The following CTIF variants were observed in gnomAD, a reference collection of about 807,000 sequenced individuals.
The protein encoded by CTIF is CBP80/20-dependent translation initiation factor.
A neutral mutation model predicts 66.0 loss-of-function variants in CTIF; 21 were observed. That is an observed-to-expected ratio of 0.32 (90% CI 0.23 to 0.46). CTIF has a LOEUF of 0.46. CTIF is among the 20% of genes least tolerant of loss of function. CTIF has a pLI of 1.00. For missense variants in CTIF, 739 were observed against 812.7 expected (o/e 0.91, Z 1.10); for synonymous variants, 345 against 326.4 (o/e 1.06, Z -0.62).
chr18:48,826,688 CTGT>C (rs2068588337), intron 10 of CTIF: 1 of 152,244 alleles, frequency 6.6e-6, no homozygotes, highest in South Asian at 2.1e-4. Context: ...TAGGTCTCAT[CTGT>C]CATGGAACCC....
intron 1 of CTIF, among the ~76,000 whole-genome samples, chr18:48,576,267 A>G (rs2089529044): frequency 6.6e-6 from 1 of 152,246 alleles, no homozygotes; most frequent in Non-Finnish European, 1.5e-5. Flanking sequence ...CTGCTGACCC[A>G]AGGGAGGAAC....
At chr18:48,629,887 T>C (rs1362729399) in intron 2 of CTIF, among the ~76,000 whole-genome samples, 2 of 152,218 alleles carry the variant, frequency 1.3e-5, no homozygotes, top group African/African-American at 2.4e-5. Context: ...TGCAATGGAC[T>C]TAGAACAGTG....
In CTIF at chr18:48,560,682, C is replaced by T. The variant is rs902292776; in HGVS notation, c.-29+21370C>T. On this transcript the variant is annotated intron_variant, in intron 1 of 11. Transcript: ENST00000256413. ...GCCTCTTGGCCTCAAGCCATCCTCC[C>T]TCCTCAGCCTCCTGAGGAGCTGGGT... Among the ~76,000 whole-genome samples the T allele has an allele frequency of 7.9e-5, 12 of 152,252 alleles. No individual in the cohort carries two copies. In the South Asian group the frequency reaches 2.1e-3, roughly 26 times the overall value.
At chr18:48,654,635 A>G (rs2091213111) in intron 3 of CTIF, among the ~76,000 whole-genome samples, 1 of 152,218 alleles carries the variant, frequency 6.6e-6, no homozygotes, top group Non-Finnish European at 1.5e-5. Flanking sequence ...TATATACCCA[A>G]AGGATTATAA....
chr18:48,768,634 G>A (rs916456808), intron 9 of CTIF, among the ~76,000 whole-genome samples: 1 of 152,216 alleles, frequency 6.6e-6, no homozygotes, highest in Non-Finnish European at 1.5e-5. Flanking sequence ...TCATGGTTGG[G>A]AGCAATGGCT....
intron 5 of CTIF, among the ~76,000 whole-genome samples, chr18:48,669,841 A>ATATG (rs2091499368): frequency 8.6e-6 from 1 of 116,502 alleles, no homozygotes; most frequent in Non-Finnish European, 1.8e-5. Context: ...ATATATATAT[A>ATATG]AGCTAGACTA....
At chr18:48,683,812 G>T (rs1358303492) in intron 6 of CTIF, among the ~76,000 whole-genome samples, 1 of 152,176 alleles carries the variant, frequency 6.6e-6, no homozygotes, top group Non-Finnish European at 1.5e-5. Flanking sequence ...ATCCAGGGAG[G>T]GTAAATGGTG....
chr18:48,568,816 G>T (rs56965208), intron 1 of CTIF, among the ~76,000 whole-genome samples: 1 of 152,094 alleles, frequency 6.6e-6, no homozygotes, highest in African/African-American at 2.4e-5. Context: ...ATCAGATCTC[G>T]TGAGACTTAT....
chr18:48,570,955 C>G (rs2089402753), intron 1 of CTIF, among the ~76,000 whole-genome samples: 1 of 152,166 alleles, frequency 6.6e-6, no homozygotes, highest in Non-Finnish European at 1.5e-5. Flanking sequence ...GATAGAGGTG[C>G]TGGCTGCACA....
At position 48,758,285 on chromosome 18, in the gene CTIF, G is replaced by A. The variant is rs777910371; in HGVS notation, c.951G>A (p.Gly317=). The change falls in exon 8 of 12, where the codon GGG becomes GGA. Residue 317 remains glycine (G), a synonymous_variant. Transcript: ENST00000256413. ...ASERLPPQQS[G]GPEVETKRKD... is the part of the protein sequence containing the mutation. Reference sequence around the variant, plus strand: ...AGCGGCTGCCCCCACAGCAGTCAGGGGGGCCAGAGGTTGAGACAAAACGTA... The same window carrying A: ...AGCGGCTGCCCCCACAGCAGTCAGGAGGGCCAGAGGTTGAGACAAAACGTA... 4 of 1,613,334 alleles carry A rather than the reference G, an allele frequency of 2.5e-6. No individual in the cohort carries two copies. The highest frequency in any genetic ancestry group is 3.4e-6 in the Non-Finnish European group (4 of 1,179,896).
At chr18:48,622,014 C>G (rs1389188194) in intron 2 of CTIF, among the ~76,000 whole-genome samples, 4 of 152,180 alleles carry the variant, frequency 2.6e-5, no homozygotes, top group African/African-American at 9.7e-5. Context: ...TTCTCTCCAG[C>G]GGCTTGCGGC....
intron 3 of CTIF, among the ~76,000 whole-genome samples, chr18:48,657,321 A>G (rs2091261301): frequency 6.6e-6 from 1 of 152,240 alleles, no homozygotes; most frequent in Admixed American, 6.5e-5. Context: ...ATGTATTAGC[A>G]GTCTTATCAT....
At chr18:48,633,841 G>T (rs576521508) in intron 2 of CTIF, among the ~76,000 whole-genome samples, 8 of 152,200 alleles carry the variant, frequency 5.3e-5, no homozygotes, top group African/African-American at 1.9e-4. Context: ...TATAGCCAAG[G>T]TGCAGAATGG....
rs560669095 is a variant in CTIF at position 48,759,582 on chromosome 18, C to A, written c.1071+1177C>A. Among the ~76,000 whole-genome samples, 3 of 152,322 alleles carry A rather than the reference C, an allele frequency of 2.0e-5. No individual in the cohort carries two copies. The East Asian group carries it at 5.8e-4, about 29-fold the overall frequency. ...TGAGCAGGCTCAGACCTCACTTTGC[C>A]TTTGACTGGATGGGTGGTCTTGGGC... On this transcript the variant is annotated intron_variant, in intron 8 of 11. Coordinates refer to ENST00000256413, the MANE Select transcript of CTIF (RefSeq NM_014772.3).
rs192461426 is a variant in CTIF, at chr18:48,749,738, A to G, written c.585-8181A>G. 6.4e-3 allele frequency among the ~76,000 whole-genome samples: 970 copies of G among 152,314 alleles called. 8 individuals are homozygous for G. The highest frequency in any genetic ancestry group is 7.6e-3 in the Non-Finnish European group (516 of 68,020). On this transcript the variant is annotated intron_variant, in intron 7 of 11. Transcript: ENST00000256413. The stretch of plus-strand genomic sequence containing the variant: ...ACAGAGCAGTTAAGGAACTTGCCCA[A>G]AGTTGCACAGCTAAAAGTGTAGCGT...
intron 3 of CTIF, among the ~76,000 whole-genome samples, chr18:48,652,695 A>G (rs2091178674): frequency 6.6e-6 from 1 of 152,206 alleles, no homozygotes; most frequent in South Asian, 2.1e-4. Flanking sequence ...TTTTAGACCA[A>G]TATCCCTGAT....
At chr18:48,802,919 A>C (rs2068075387) in intron 9 of CTIF, among the ~76,000 whole-genome samples, 1 of 152,230 alleles carries the variant, frequency 6.6e-6, no homozygotes, top group African/African-American at 2.4e-5. Flanking sequence ...CTCAGGCTGA[A>C]AGGAAAACTT....
chr18:48,539,034 C>T lies in CTIF; in HGVS notation c.-307C>T, dbSNP rs2088538191. The stretch of plus-strand genomic sequence containing the variant: ...GGGAGGGCGGGGCCTGAACGTCACT[C>T]TCCTACATTCTCTTTCCCTGTGTCA... On this transcript the variant is annotated 5_prime_UTR_variant, in exon 1 of 12. Coordinates refer to ENST00000256413, the MANE Select transcript of CTIF (RefSeq NM_014772.3). 1 of 152,328 alleles carries T rather than the reference C, an allele frequency of 6.6e-6. No homozygotes were observed. The highest frequency in any genetic ancestry group is 1.5e-5 in the Non-Finnish European group (1 of 68,124). 9.4% of individuals were successfully genotyped at this position (152,328 alleles called of 1,614,324 possible). A position where few individuals can be genotyped will look rare whatever the true frequency, so the allele number is the denominator to read the frequency against.
At chr18:48,736,226 G>T (rs2092501621) in intron 7 of CTIF, among the ~76,000 whole-genome samples, 1 of 152,184 alleles carries the variant, frequency 6.6e-6, no homozygotes, top group Admixed American at 6.5e-5. Context: ...TGTGGTTAAT[G>T]AGCTTGGTGA....
Sources: allele counts gnomAD v4.1 joint callset (sites outside exome capture counted in the v4.1 genomes callset), GRCh38; gene constraint gnomAD v4.1.1; transcripts MANE v1.5; gene names NCBI Gene and HGNC (gene_info 2026-07-23, HGNC 2026-07-21).